GTF2F2: variants seen among roughly 807,000 people sequenced by gnomAD.
The protein encoded by GTF2F2 is ATP-dependent helicase GTF2F2.
Under a neutral mutation model 42.2 loss-of-function variants are expected in GTF2F2, and 23 were observed. The observed-to-expected ratio is 0.55, with a 90% CI of 0.39 to 0.77. The LOEUF (loss-of-function observed/expected upper bound fraction) is 0.77. Among genes scored for constraint, GTF2F2 ranks in the 30% least tolerant of loss-of-function variants. GTF2F2 has a pLI of 0.00. For synonymous variants in GTF2F2, 105 were observed against 100.8 expected, an observed-to-expected ratio of 1.04 and a Z score of -0.25; for missense variants, 261 against 287.2, an observed-to-expected ratio of 0.91 and a Z score of 0.66.
At chr13:45,143,047 T>C (rs996253855) in intron 2 of GTF2F2, among the ~76,000 whole-genome samples, 1 of 152,164 alleles carries the variant, frequency 6.6e-6, no homozygotes, top group Non-Finnish European at 1.5e-5. Flanking sequence ...AAGAGAGACA[T>C]GGATGAATAA....
At chr13:45,142,932 A>G (rs1870002442) in intron 2 of GTF2F2, among the ~76,000 whole-genome samples, 1 of 152,178 alleles carries the variant, frequency 6.6e-6, no homozygotes, top group African/African-American at 2.4e-5. Context: ...GGCTCCATTG[A>G]TAGATGTCTG....
intron 4 of GTF2F2, among the ~76,000 whole-genome samples, chr13:45,191,220 AAAAAATATAT>A (rs1380570547): frequency 5.7e-4 from 43 of 75,210 alleles, no homozygotes; most frequent in African/African-American, 4.3e-3. Context: ...AAATACAAAA[AAAAAATATAT>A]ATATATATAT....
At chr13:45,191,224 A>AAAAAAAAATATATATATATATATATAT in intron 4 of GTF2F2, among the ~76,000 whole-genome samples, 3 of 75,302 alleles carry the variant, frequency 4.0e-5, no homozygotes, top group Non-Finnish European at 6.6e-5. Context: ...ACAAAAAAAA[A>AAAAAAAAATATATATATATATATATAT]ATATATATAT....
intron 6 of GTF2F2, among the ~76,000 whole-genome samples, chr13:45,260,343 T>A (rs1275030261): frequency 6.6e-6 from 1 of 152,236 alleles, no homozygotes; most frequent in African/African-American, 2.4e-5. Context: ...ACTACATGCT[T>A]TGTCCATTTG....
intron 4 of GTF2F2, among the ~76,000 whole-genome samples, chr13:45,180,469 T>C (rs925619522): frequency 2.0e-5 from 3 of 152,300 alleles, no homozygotes; most frequent in African/African-American, 7.2e-5. Context: ...TAATATATCT[T>C]CCTCAAAGCA....
At chr13:45,156,556 G>A (rs1010711625) in intron 4 of GTF2F2, among the ~76,000 whole-genome samples, 1 of 152,166 alleles carries the variant, frequency 6.6e-6, no homozygotes, top group African/African-American at 2.4e-5. Context: ...TGCAATGGGA[G>A]TGGAAAAGAT....
chr13:45,270,058 C>G (rs1293155213), intron 7 of GTF2F2, among the ~76,000 whole-genome samples: 1 of 152,156 alleles, frequency 6.6e-6, no homozygotes, highest in Admixed American at 6.6e-5. Flanking sequence ...TCTTGAACTC[C>G]TGACCTCAGG....
intron 4 of GTF2F2, among the ~76,000 whole-genome samples, chr13:45,203,994 A>G: frequency 6.6e-6 from 1 of 152,076 alleles, no homozygotes; most frequent in South Asian, 2.1e-4. Flanking sequence ...TAATAATGCT[A>G]ATGGCTTTTT....
intron 2 of GTF2F2, among the ~76,000 whole-genome samples, chr13:45,149,464 T>C (rs9534043): frequency 0.22 from 32,235 of 144,462 alleles, 3,776 homozygotes; most frequent in African/African-American, 0.27. Context: ...AAAAAGAAAA[T>C]GTAAAAAAGA....
At chr13:45,137,250 A>G (rs1198570611) in intron 2 of GTF2F2, among the ~76,000 whole-genome samples, 1 of 152,184 alleles carries the variant, frequency 6.6e-6, no homozygotes, top group African/African-American at 2.4e-5. Flanking sequence ...AAACAGTGTA[A>G]CAATATAGTT....
At chr13:45,265,585 C>T (rs1285357935) in intron 6 of GTF2F2, among the ~76,000 whole-genome samples, 3 of 152,130 alleles carry the variant, frequency 2.0e-5, no homozygotes, top group Non-Finnish European at 4.4e-5. Flanking sequence ...TGAGTCCTTT[C>T]CCTTTGTCTC....
At chr13:45,153,133 C>T (rs531267699) in intron 4 of GTF2F2, among the ~76,000 whole-genome samples, 1 of 151,846 alleles carries the variant, frequency 6.6e-6, no homozygotes, top group Admixed American at 6.6e-5. Context: ...CCTCAGCCTC[C>T]TGAATAGCTG....
intron 4 of GTF2F2, among the ~76,000 whole-genome samples, chr13:45,152,898 CAAAAG>C (rs1439089658): frequency 6.6e-6 from 1 of 151,388 alleles, no homozygotes; most frequent in Non-Finnish European, 1.5e-5. Flanking sequence ...AGCTTATTGA[CAAAAG>C]AAAACATTTG....
At chr13:45,230,124 G>A (rs1013781270) in intron 5 of GTF2F2, among the ~76,000 whole-genome samples, 2 of 152,090 alleles carry the variant, frequency 1.3e-5, no homozygotes, top group African/African-American at 4.8e-5. Flanking sequence ...GCTGAGGAAG[G>A]AGAATCGTTT....
intron 5 of GTF2F2, among the ~76,000 whole-genome samples, chr13:45,209,769 C>CT (rs750280387): frequency 6.6e-6 from 1 of 152,192 alleles, no homozygotes; most frequent in African/African-American, 2.4e-5. Flanking sequence ...AACTCCAGAT[C>CT]TTTCCCGCAA....
chr13:45,205,009 G>A (rs997894701), intron 4 of GTF2F2, among the ~76,000 whole-genome samples: 1 of 152,198 alleles, frequency 6.6e-6, no homozygotes, highest in Non-Finnish European at 1.5e-5. Flanking sequence ...GTCATATGGA[G>A]AAGGTTGATA....
chr13:45,247,344 A>G (rs1286668725), intron 5 of GTF2F2, among the ~76,000 whole-genome samples: 1 of 151,654 alleles, frequency 6.6e-6, no homozygotes, highest in Non-Finnish European at 1.5e-5. Context: ...CTCAAATTAA[A>G]TTAAGCTTCC....
At chr13:45,251,325 A>G (rs1875868856) in intron 5 of GTF2F2, among the ~76,000 whole-genome samples, 1 of 152,160 alleles carries the variant, frequency 6.6e-6, no homozygotes, top group South Asian at 2.1e-4. Context: ...TTTAATTTCT[A>G]TTTTATTGAA....
At chr13:45,253,435 G>A (rs1220842905) in intron 6 of GTF2F2, among the ~76,000 whole-genome samples, 4 of 152,144 alleles carry the variant, frequency 2.6e-5, no homozygotes, top group Admixed American at 6.5e-5. Context: ...CACTTTGCCT[G>A]ATTTCAGCTT....
Sources: gnomAD v4.1 joint callset for allele counts (sites outside exome capture counted in the v4.1 genomes callset) on GRCh38, gnomAD v4.1.1 for gene constraint, MANE v1.5 for transcripts, NCBI Gene and HGNC (gene_info 2026-07-23, HGNC 2026-07-21) for gene names.